NRG1: variants seen among roughly 807,000 people sequenced by gnomAD.
NRG1 encodes neuregulin 1.
A neutral mutation model predicts 63.8 loss-of-function variants in NRG1; 18 were observed. The observed-to-expected ratio is 0.28, with a 90% CI of 0.19 to 0.42. The LOEUF (loss-of-function observed/expected upper bound fraction) is 0.42, where lower values mean the gene tolerates loss of function less well. NRG1 is among the 10% of genes least tolerant of loss of function. NRG1 has a pLI of 1.00. For missense variants in NRG1, 762 were observed against 814.7 expected (o/e 0.94, Z 0.79); for synonymous variants, 302 against 301.3 (o/e 1.00, Z -0.02).
intron 1 of NRG1, among the ~76,000 whole-genome samples, chr8:32,378,060 C>G (rs1455952144): frequency 6.6e-6 from 1 of 152,044 alleles, no homozygotes; most frequent in African/African-American, 2.4e-5. Flanking sequence ...TCTGTGCCCA[C>G]CCAGAGGAGG....
chr8:31,662,015 T>G (rs1299161799), intron 1 of NRG1, among the ~76,000 whole-genome samples: 1 of 152,198 alleles, frequency 6.6e-6, no homozygotes, highest in African/African-American at 2.4e-5. Context: ...ATTTAAGGAT[T>G]TAATCTGAGT....
intron 1 of NRG1, among the ~76,000 whole-genome samples, chr8:32,318,133 A>G (rs923286850): frequency 1.3e-5 from 2 of 152,340 alleles, no homozygotes; most frequent in East Asian, 3.9e-4. Context: ...AGGCAAGGGT[A>G]TGGAAAACTT....
chr8:32,646,414 G>A (rs1459187443), intron 5 of NRG1, among the ~76,000 whole-genome samples: 1 of 152,182 alleles, frequency 6.6e-6, no homozygotes, highest in Admixed American at 6.5e-5. Flanking sequence ...ACTTATTAGA[G>A]GGCTAGGGAA....
intron 1 of NRG1, among the ~76,000 whole-genome samples, chr8:32,315,054 G>A (rs552483623): frequency 1.3e-5 from 2 of 152,264 alleles, no homozygotes; most frequent in South Asian, 4.1e-4. Flanking sequence ...CCTGTGTTCT[G>A]TGTTTACACC....
At chr8:32,132,111 T>C (rs1404551372) in intron 1 of NRG1, among the ~76,000 whole-genome samples, 3 of 152,026 alleles carry the variant, frequency 2.0e-5, no homozygotes, top group African/African-American at 7.2e-5. Context: ...TGCTTACTCA[T>C]GTTTGAGAAG....
chr8:32,032,657 G>A (rs1306946799), intron 1 of NRG1, among the ~76,000 whole-genome samples: 2 of 152,172 alleles, frequency 1.3e-5, no homozygotes, highest in African/African-American at 4.8e-5. Flanking sequence ...TAAGTTCCTT[G>A]TAGATTCTGG....
intron 1 of NRG1, among the ~76,000 whole-genome samples, chr8:31,864,312 G>T (rs891930519): frequency 6.6e-6 from 1 of 152,162 alleles, no homozygotes; most frequent in African/African-American, 2.4e-5. Context: ...ACCTCTTAGT[G>T]CAGTAGAGAC....
At chr8:32,638,347 G>A (rs988810156) in intron 5 of NRG1, among the ~76,000 whole-genome samples, 4 of 152,076 alleles carry the variant, frequency 2.6e-5, no homozygotes, top group African/African-American at 9.7e-5. Context: ...TCATGGGTAA[G>A]GCCTGTTGCA....
chr8:32,254,572 G>T (rs552750697), intron 1 of NRG1, among the ~76,000 whole-genome samples: 18 of 152,262 alleles, frequency 1.2e-4, no homozygotes, highest in Non-Finnish European at 2.4e-4. Context: ...CTTTGTGTTT[G>T]CTGAGGAGTG....
intron 1 of NRG1, among the ~76,000 whole-genome samples, chr8:32,067,095 C>T (rs891271740): frequency 3.9e-5 from 6 of 152,090 alleles, no homozygotes; most frequent in Admixed American, 1.3e-4. Flanking sequence ...TGGGCTGAGA[C>T]GATGGGGTTT....
At chr8:31,991,685 T>C (rs991769556) in intron 1 of NRG1, among the ~76,000 whole-genome samples, 6 of 152,036 alleles carry the variant, frequency 3.9e-5, no homozygotes, top group African/African-American at 1.4e-4. Flanking sequence ...CCTGTGGGTG[T>C]GTATCAAGTT....
At chr8:32,537,746 T>G (rs1832160274) in intron 1 of NRG1, among the ~76,000 whole-genome samples, 1 of 152,222 alleles carries the variant, frequency 6.6e-6, no homozygotes, top group African/African-American at 2.4e-5. Flanking sequence ...ATTTTACAGA[T>G]GAGGAAATAG....
intron 1 of NRG1, among the ~76,000 whole-genome samples, chr8:31,938,604 A>G (rs1801293582): frequency 6.6e-6 from 1 of 152,236 alleles, no homozygotes; most frequent in Non-Finnish European, 1.5e-5. Flanking sequence ...TTGGTTATTA[A>G]GCTCATCAAG....
At chr8:32,155,665 T>G (rs554633019) in intron 1 of NRG1, among the ~76,000 whole-genome samples, 43 of 152,322 alleles carry the variant, frequency 2.8e-4, no homozygotes, top group African/African-American at 1.0e-3. Context: ...TACCTTTTTA[T>G]GTAAGCTGTT....
intron 1 of NRG1, among the ~76,000 whole-genome samples, chr8:32,163,454 A>C (rs1283436765): frequency 6.6e-6 from 1 of 152,154 alleles, no homozygotes; most frequent in African/African-American, 2.4e-5. Context: ...ACCTGCAAAA[A>C]ACACAAGCAT....
intron 1 of NRG1, among the ~76,000 whole-genome samples, chr8:32,412,012 T>G (rs1050831456): frequency 6.6e-6 from 1 of 152,114 alleles, no homozygotes; most frequent in Admixed American, 6.5e-5. Flanking sequence ...TGGGAATGTT[T>G]CTGGATGAGA....
chr8:31,947,564 A>G (rs552354335), intron 1 of NRG1, among the ~76,000 whole-genome samples: 2 of 152,252 alleles, frequency 1.3e-5, no homozygotes, highest in Non-Finnish European at 1.5e-5. Flanking sequence ...TTGTTTGCCT[A>G]TTAGATCCGG....
chr8:32,511,267 T>G (rs1263035542), intron 1 of NRG1, among the ~76,000 whole-genome samples: 1 of 149,776 alleles, frequency 6.7e-6, no homozygotes, highest in East Asian at 2.0e-4. Flanking sequence ...CAAACTTACA[T>G]GACCCTGCTT....
chr8:32,626,663 G>C (rs926797781), intron 5 of NRG1, among the ~76,000 whole-genome samples: 8 of 151,322 alleles, frequency 5.3e-5, no homozygotes, highest in Non-Finnish European at 8.8e-5. Context: ...CTGGGCGACA[G>C]AGCAAGACTC....
Sources: allele counts gnomAD v4.1 joint callset (sites outside exome capture counted in the v4.1 genomes callset), GRCh38; gene constraint gnomAD v4.1.1; transcripts MANE v1.5; gene names NCBI Gene and HGNC (gene_info 2026-07-23, HGNC 2026-07-21).